The following BAIAP2 variants were observed in gnomAD, a reference collection of about 807,000 sequenced individuals.
The protein encoded by BAIAP2 is BAR/IMD domain-containing adapter protein 2.
BAIAP2 carries 18 observed loss-of-function variants against 63.0 expected under a neutral mutation model. The observed-to-expected ratio is 0.29, with a 90% CI of 0.20 to 0.42. BAIAP2 has a LOEUF of 0.42. Ranked by LOEUF, BAIAP2 falls within the 10% of genes least tolerant of loss-of-function variation. The probability of loss-of-function intolerance (pLI) is 1.00; values close to 1 mark genes in which losing one functional copy is unlikely to be tolerated. For missense variants in BAIAP2, 610 were observed against 734.3 expected, an observed-to-expected ratio of 0.83 and a Z score of 1.96; for synonymous variants, 386 against 307.6, an observed-to-expected ratio of 1.25 and a Z score of -2.67.
chr17:81,035,377 C>G lies in BAIAP2; in HGVS notation c.54+69C>G, dbSNP rs565508566. On this transcript the variant is annotated intron_variant, in intron 1 of 13. Coordinates refer to ENST00000428708, the MANE Select transcript of BAIAP2 (RefSeq NM_001144888.2). ...CTGGGTCGCGCGCCGCCCGCGCGCC[C>G]GAGCCCGACCAGGGCGGCCCCGGGG... 1.6e-3 allele frequency: 1,670 copies of G among 1,028,312 alleles called. 5 individuals carry two copies. The highest frequency in any genetic ancestry group is 2.2e-3 in the Middle Eastern group (5 of 2,270). The allele number at this position is 1,028,312 out of a possible 1,614,324, so 63.7% of individuals were successfully genotyped here.
At chr17:81,063,159 G>A (rs1035788174) in intron 3 of BAIAP2, among the ~76,000 whole-genome samples, 1 of 152,092 alleles carries the variant, frequency 6.6e-6, no homozygotes, top group Non-Finnish European at 1.5e-5. Context: ...GGTGTGAGGT[G>A]GACAGAAACA....
At chr17:81,064,823 C>T (rs1167910345) in intron 3 of BAIAP2, among the ~76,000 whole-genome samples, 1 of 152,190 alleles carries the variant, frequency 6.6e-6, no homozygotes, top group Admixed American at 6.5e-5. Flanking sequence ...TTTTTCCCTG[C>T]AGTGAAAGAG....
chr17:81,067,199 G>A (rs1219359733), intron 3 of BAIAP2, among the ~76,000 whole-genome samples: 2 of 152,194 alleles, frequency 1.3e-5, no homozygotes, highest in Non-Finnish European at 2.9e-5. Context: ...CCTACAGTAG[G>A]ACTCCGGCAG....
intron 3 of BAIAP2, among the ~76,000 whole-genome samples, chr17:81,067,043 C>T (rs955441042): frequency 2.0e-5 from 3 of 152,238 alleles, no homozygotes; most frequent in Non-Finnish European, 2.9e-5. Context: ...TGGTTGGTCC[C>T]GGACCTCCAG....
chr17:81,090,370 C>G (rs1420745910), intron 6 of BAIAP2, among the ~76,000 whole-genome samples: 3 of 152,240 alleles, frequency 2.0e-5, no homozygotes, highest in African/African-American at 7.2e-5. Flanking sequence ...CGCCTCTGCT[C>G]CTCCCCATCC....
At chr17:81,082,521 G>A (rs1236975059) in intron 3 of BAIAP2, among the ~76,000 whole-genome samples, 3 of 152,236 alleles carry the variant, frequency 2.0e-5, no homozygotes, top group Non-Finnish European at 2.9e-5. Context: ...TGCGGTGGAT[G>A]GGATCCTGCC....
At chr17:81,089,167 TGCTGATG>T (rs1382728343) in intron 6 of BAIAP2, among the ~76,000 whole-genome samples, 1 of 152,278 alleles carries the variant, frequency 6.6e-6, no homozygotes, top group Admixed American at 6.5e-5. Flanking sequence ...ACCTTCTCCT[TGCTGATG>T]GCTGGTCTGT....
intron 1 of BAIAP2, among the ~76,000 whole-genome samples, chr17:81,045,866 TC>T (rs1683436659): frequency 6.6e-6 from 1 of 152,118 alleles, no homozygotes; most frequent in Non-Finnish European, 1.5e-5. Flanking sequence ...TAGTGGCCCC[TC>T]CTGACCCCCC....
rs779768817 is a variant in BAIAP2, at chr17:81,061,946, G to C, written c.217+3979G>C. On this transcript the variant is annotated intron_variant, in intron 3 of 13. Transcript: ENST00000428708. ...TGGGCCTTTCCTTTTTGTAATAGTG[G>C]TTTTAGTTTTTTTTGAGACCGAATC... Among the ~76,000 whole-genome samples, 100 of 151,924 alleles carry C rather than the reference G, an allele frequency of 6.6e-4. 2 individuals carry two copies. The highest frequency in any genetic ancestry group is 1.8e-4 in the Non-Finnish European group (12 of 67,958).
At chr17:81,049,289 A>C (rs915301346) in intron 1 of BAIAP2, among the ~76,000 whole-genome samples, 1 of 152,186 alleles carries the variant, frequency 6.6e-6, no homozygotes, top group Non-Finnish European at 1.5e-5. Flanking sequence ...GTGGCCCCCC[A>C]GGAGTCTCTC....
intron 3 of BAIAP2, chr17:81,083,768 A>G: frequency 6.6e-6 from 1 of 152,184 alleles, no homozygotes; most frequent in Non-Finnish European, 1.5e-5. Context: ...TCATGTCTCA[A>G]ATGGGATCAC....
chr17:81,057,994 G>GCCCC (rs1568090096), intron 3 of BAIAP2, 27 bp downstream of exon 3: 3 of 974,786 alleles, frequency 3.1e-6, no homozygotes, highest in Admixed American at 2.8e-5. Flanking sequence ...CCCCCCGCCT[G>GCCCC]GTAGTCGCCT....
chr17:81,091,832 G>A (rs1349642348), intron 6 of BAIAP2, among the ~76,000 whole-genome samples: 1 of 152,234 alleles, frequency 6.6e-6, no homozygotes, highest in African/African-American at 2.4e-5. Context: ...CTTTCCCTTG[G>A]AGACCCTTTA....
intron 2 of BAIAP2, among the ~76,000 whole-genome samples, chr17:81,055,381 C>T (rs1359054735): frequency 2.0e-5 from 3 of 152,024 alleles, no homozygotes; most frequent in Admixed American, 2.0e-4. Flanking sequence ...GGACAGGGAG[C>T]TCCCTTGGGC....
intron 6 of BAIAP2, among the ~76,000 whole-genome samples, chr17:81,089,043 C>T (rs150303203): frequency 1.7e-3 from 252 of 152,394 alleles, no homozygotes; most frequent in African/African-American, 5.9e-3. Context: ...CACACCTGGC[C>T]TCTGCCTGCC....
chr17:81,109,276 G>GCACCCTCGGCCT, intron 13 of BAIAP2: 1 of 1,299,858 alleles, frequency 7.7e-7, no homozygotes, highest in South Asian at 2.4e-5. Context: ...GCCGTGCGGG[G>GCACCCTCGGCCT]CACCCTCGGC....
At chr17:81,104,946 C>T (rs1474984106) in intron 10 of BAIAP2, 1 of 470,294 alleles carries the variant, frequency 2.1e-6, no homozygotes, top group Admixed American at 3.6e-5. Flanking sequence ...CTGCAGGGGT[C>T]TTCCCCTACA....
intron 6 of BAIAP2, among the ~76,000 whole-genome samples, chr17:81,091,524 C>T (rs879826922): frequency 1.3e-5 from 2 of 152,302 alleles, no homozygotes; most frequent in African/African-American, 2.4e-5. Flanking sequence ...CCCAGCTCTT[C>T]TAGCTGTCTC....
At chr17:81,071,230 A>G (rs975797905) in intron 3 of BAIAP2, among the ~76,000 whole-genome samples, 1 of 151,594 alleles carries the variant, frequency 6.6e-6, no homozygotes, top group Non-Finnish European at 1.5e-5. Flanking sequence ...AAGGGGCGGG[A>G]TTGGGAGTCA....
Sources: allele counts gnomAD v4.1 joint callset (sites outside exome capture counted in the v4.1 genomes callset), GRCh38; gene constraint gnomAD v4.1.1; transcripts MANE v1.5; gene names NCBI Gene and HGNC (gene_info 2026-07-23, HGNC 2026-07-21).